Variants in GPD1L observed in about 807,000 individuals in gnomAD.
The protein encoded by GPD1L is glycerol-3-phosphate dehydrogenase 1-like protein.
In GPD1L, 17 loss-of-function variants were observed where a neutral mutation model predicts 32.9. That is an observed-to-expected ratio of 0.52 (90% confidence interval 0.35 to 0.78). GPD1L has a LOEUF of 0.78. Ranked by LOEUF, GPD1L falls within the 30% of genes least tolerant of loss-of-function variation. The pLI is 0.01. For synonymous variants in GPD1L, 187 were observed against 165.9 expected (o/e 1.13, Z -0.98); for missense variants, 361 against 447.8 (o/e 0.81, Z 1.75).
At chr3:32,127,477 G>A (rs1408513592) in intron 1 of GPD1L, among the ~76,000 whole-genome samples, 2 of 152,210 alleles carry the variant, frequency 1.3e-5, no homozygotes, top group Non-Finnish European at 2.9e-5. Context: ...CTTGTCCCCT[G>A]TAGGAAAGCC....
chr3:32,120,973 G>A (rs1700403510), intron 1 of GPD1L, among the ~76,000 whole-genome samples: 1 of 152,084 alleles, frequency 6.6e-6, no homozygotes, highest in Non-Finnish European at 1.5e-5. Context: ...TGGGGGTTAG[G>A]ACCTCCTGCA....
intron 1 of GPD1L, among the ~76,000 whole-genome samples, chr3:32,110,150 C>T (rs567274211): frequency 1.6e-4 from 25 of 152,362 alleles, no homozygotes; most frequent in Admixed American, 1.1e-3. Flanking sequence ...AATCTCCTGA[C>T]GTCGTGATCT....
chr3:32,128,994 A>T (rs1202228084), intron 2 of GPD1L, among the ~76,000 whole-genome samples: 3 of 152,244 alleles, frequency 2.0e-5, no homozygotes, highest in African/African-American at 7.2e-5. Context: ...GGAGAGAAAA[A>T]TACAGGTTAT....
chr3:32,138,076 T>G (rs1700691378), intron 2 of GPD1L, among the ~76,000 whole-genome samples: 1 of 152,124 alleles, frequency 6.6e-6, no homozygotes. Flanking sequence ...CCAGAAACAC[T>G]GTGAGCCTAG....
Position 32,136,095 on chromosome 3 carries a change from T to C in GPD1L, c.226-2492T>C, listed in dbSNP as rs370784826. Among the ~76,000 whole-genome samples the C allele has an allele frequency of 3.0e-3, 450 of 152,308 alleles. 3 individuals are homozygous for C. Among genetic ancestry groups the C allele is most frequent in the African/African-American group, 0.01 (429 of 41,570 alleles). ...AGATCCAGGCAGTGCTGGCTTCAGGTGTAGCCTGAACCAGCAGGTTACATG... is the reference window on the plus strand; with the variant it reads ...AGATCCAGGCAGTGCTGGCTTCAGGCGTAGCCTGAACCAGCAGGTTACATG... On this transcript the variant is annotated intron_variant, in intron 2 of 7. Coordinates refer to ENST00000282541, the MANE Select transcript of GPD1L (RefSeq NM_015141.4).
At position 32,152,323 on chromosome 3, in the gene GPD1L, T is replaced by G. The variant is rs1018052962; in HGVS notation, c.618+5589T>G. Among the ~76,000 whole-genome samples, 10 of 152,326 alleles carry G rather than the reference T, an allele frequency of 6.6e-5. No homozygotes were observed. The East Asian group carries it at 1.9e-3, about 29-fold the overall frequency. Reference sequence around the variant, plus strand: ...CTATAGAATTCGCAGGGATCCAGGCTTCTTCCAGCTCACTTGGTGCTTAGC... The same window carrying G: ...CTATAGAATTCGCAGGGATCCAGGCGTCTTCCAGCTCACTTGGTGCTTAGC... On this transcript the variant is annotated intron_variant, in intron 5 of 7. Transcript: ENST00000282541.
chr3:32,140,463 C>T, intron 4 of GPD1L, 97 bp downstream of exon 4: 7 of 1,383,214 alleles, frequency 5.1e-6, no homozygotes, highest in South Asian at 4.7e-5. Flanking sequence ...AGACTCTTCC[C>T]TGTCCCTCTT....
In GPD1L at chr3:32,146,498, C is replaced by G. The variant is rs72558072; in HGVS notation, c.506-124C>G. 0.029 allele frequency: 20,309 copies of G among 701,750 alleles called. 1,865 individuals carry two copies. Among genetic ancestry groups the G allele is most frequent in the East Asian group, 0.25 (9,279 of 37,490 alleles). 43.5% of individuals were successfully genotyped at this position (701,750 alleles called of 1,614,324 possible). On this transcript the variant is annotated intron_variant, in intron 4 of 7. Transcript: ENST00000282541. ...CTTTATTTCTGCTCCTATGTGTTTT[C>G]TAAATATCCTATCATGAACATGTTA...
At chr3:32,125,493 A>G (rs927177090) in intron 1 of GPD1L, among the ~76,000 whole-genome samples, 1 of 152,142 alleles carries the variant, frequency 6.6e-6, no homozygotes, top group Non-Finnish European at 1.5e-5. Context: ...CTTCCTGAGC[A>G]CCATCCTTAT....
intron 5 of GPD1L, among the ~76,000 whole-genome samples, chr3:32,152,634 A>C (rs1167746349): frequency 3.3e-5 from 5 of 152,204 alleles, no homozygotes; most frequent in Non-Finnish European, 5.9e-5. Context: ...CAGAACACGC[A>C]TGACCAAAAC....
At chr3:32,125,883 G>A (rs942380743) in intron 1 of GPD1L, among the ~76,000 whole-genome samples, 1 of 152,200 alleles carries the variant, frequency 6.6e-6, no homozygotes, top group Non-Finnish European at 1.5e-5. Flanking sequence ...GAATGAGGTA[G>A]AATGAGGTCT....
At chr3:32,140,105 T>C (rs1700719547) in intron 3 of GPD1L, 123 bp from the exon 4 acceptor site, 1 of 922,526 alleles carries the variant, frequency 1.1e-6, no homozygotes. Flanking sequence ...ATAGGCAGTA[T>C]AGATGCTTTT....
At chr3:32,129,668 C>G (rs1234567206) in intron 2 of GPD1L, among the ~76,000 whole-genome samples, 1 of 152,070 alleles carries the variant, frequency 6.6e-6, no homozygotes, top group Non-Finnish European at 1.5e-5. Flanking sequence ...CTGCTCTGGA[C>G]TTGGGTGAGC....
intron 2 of GPD1L, among the ~76,000 whole-genome samples, chr3:32,135,746 C>T (rs541464862): frequency 3.1e-4 from 47 of 152,300 alleles, no homozygotes; most frequent in African/African-American, 1.0e-3. Context: ...ATGAGCATGG[C>T]GCCCAGCCTT....
Position 32,146,688 on chromosome 3 carries a change from C to T in GPD1L, c.572C>T (p.Thr191Ile). 6.2e-7 allele frequency: 1 copy of T among 1,613,582 alleles called. No individual in the cohort carries two copies. The highest frequency in any genetic ancestry group is 8.5e-7 in the Non-Finnish European group (1 of 1,179,536). ...ELLQTPNFRI[T>I]VVDDADTVEL... ...CTGCAGACTCCAAATTTTCGAATTA[C>T]CGTGGTTGATGATGCAGACACTGTT... The change falls in exon 5 of 8, where the codon ACC becomes ATC. Residue 191 changes from threonine (T) to isoleucine (I), a missense_variant. By Grantham distance (89) the Thr-to-Ile change is moderately conservative. Transcript: ENST00000282541.
In GPD1L at chr3:32,130,433, C is replaced by T. The variant is rs142436959; in HGVS notation, c.225+2180C>T. On this transcript the variant is annotated intron_variant, in intron 2 of 7. Coordinates refer to ENST00000282541, the MANE Select transcript of GPD1L (RefSeq NM_015141.4). ...AAGCAGGAGAGGTTTGTTGCATTTC[C>T]GTCAACACAAGCTCACTGTTTATGC... Among the ~76,000 whole-genome samples, 29 of 152,166 alleles carry T rather than the reference C, an allele frequency of 1.9e-4. No individual in the cohort carries two copies. The East Asian group carries it at 5.0e-3, about 26-fold the overall frequency.
intron 1 of GPD1L, among the ~76,000 whole-genome samples, chr3:32,116,011 A>G (rs1700328698): frequency 6.6e-6 from 1 of 151,708 alleles, no homozygotes; most frequent in South Asian, 2.1e-4. Flanking sequence ...GATGGTCTCG[A>G]TCTCCTGACC....
intron 1 of GPD1L, among the ~76,000 whole-genome samples, chr3:32,126,077 C>T (rs1163182624): frequency 6.6e-6 from 1 of 152,086 alleles, no homozygotes; most frequent in Non-Finnish European, 1.5e-5. Context: ...TGCCTGTAGT[C>T]CCAGCCACTC....
chr3:32,112,155 C>T (rs1354001867), intron 1 of GPD1L, among the ~76,000 whole-genome samples: 6 of 152,088 alleles, frequency 3.9e-5, no homozygotes, highest in Non-Finnish European at 7.4e-5. Context: ...CACCTGTTTC[C>T]TTCATCTCCC....
Sources: allele counts gnomAD v4.1 joint callset (sites outside exome capture counted in the v4.1 genomes callset), GRCh38; gene constraint gnomAD v4.1.1; transcripts MANE v1.5; gene names NCBI Gene and HGNC (gene_info 2026-07-23, HGNC 2026-07-21).